Variants in CCDC171 observed in about 807,000 individuals in gnomAD.
CCDC171 encodes coiled-coil domain-containing protein 171.
In CCDC171, 177 loss-of-function variants were observed where a neutral mutation model predicts 168.2. The ratio of observed to expected loss-of-function variants is 1.05; its 90% CI spans 0.93 to 1.19. CCDC171 has a LOEUF of 1.19. Ranked by LOEUF, CCDC171 falls within the 50% of genes most tolerant of loss-of-function variation. The pLI, the probability that CCDC171 is intolerant of heterozygous loss-of-function variation, is 0.00. For synonymous variants in CCDC171, 687 were observed against 540.8 expected (o/e 1.27, Z -3.75); for missense variants, 1,991 against 1,539.0 (o/e 1.29, Z -4.91).
At chr9:15,656,767 G>A (rs2047969753) in intron 7 of CCDC171, among the ~76,000 whole-genome samples, 3 of 152,162 alleles carry the variant, frequency 2.0e-5, no homozygotes, top group Non-Finnish European at 4.4e-5. Flanking sequence ...GCATTACCAA[G>A]AGACATAAGG....
intron 4 of CCDC171, among the ~76,000 whole-genome samples, chr9:15,585,254 A>G (rs866305593): frequency 6.0e-4 from 91 of 152,350 alleles, no homozygotes; most frequent in African/African-American, 1.8e-3. Flanking sequence ...TTTCCCCATG[A>G]GAAAGAAAAA....
intron 25 of CCDC171, among the ~76,000 whole-genome samples, chr9:15,925,038 G>A (rs984915827): frequency 6.6e-6 from 1 of 151,270 alleles, no homozygotes; most frequent in African/African-American, 2.4e-5. Flanking sequence ...CTGCTTTTTG[G>A]TGGGCACAGT....
At chr9:15,718,298 C>T (rs1215768096) in intron 11 of CCDC171, among the ~76,000 whole-genome samples, 3 of 152,062 alleles carry the variant, frequency 2.0e-5, no homozygotes, top group Non-Finnish European at 2.9e-5. Flanking sequence ...TGTGCCAGTT[C>T]AGCCTCAGTA....
intron 7 of CCDC171, among the ~76,000 whole-genome samples, chr9:15,654,140 T>C (rs556710304): frequency 5.9e-5 from 9 of 152,272 alleles, no homozygotes; most frequent in African/African-American, 1.9e-4. Context: ...TATTATTTTA[T>C]CCTTTGGATT....
chr9:15,680,489 C>CAT (rs1189556023), intron 10 of CCDC171, among the ~76,000 whole-genome samples: 1 of 152,076 alleles, frequency 6.6e-6, no homozygotes, highest in Non-Finnish European at 1.5e-5. Context: ...CTGCCCATAT[C>CAT]GAAAGCTAAT....
intron 23 of CCDC171, among the ~76,000 whole-genome samples, chr9:15,852,862 A>G (rs2061191733): frequency 6.6e-6 from 1 of 151,608 alleles, no homozygotes; most frequent in East Asian, 1.9e-4. Flanking sequence ...ATCATGTTGA[A>G]TCATTCATAC....
intron 4 of CCDC171, chr9:15,588,283 C>A: frequency 5.1e-6 from 1 of 197,420 alleles, no homozygotes. Flanking sequence ...CAAGAAGGAC[C>A]CCCGGACTGA....
intron 21 of CCDC171, among the ~76,000 whole-genome samples, chr9:15,837,820 A>T (rs1050001743): frequency 6.6e-6 from 1 of 152,342 alleles, no homozygotes; most frequent in African/African-American, 2.4e-5. Context: ...TTATTGCACG[A>T]TGGGAAAGCC....
intron 25 of CCDC171, among the ~76,000 whole-genome samples, chr9:15,948,257 G>C (rs1318778795): frequency 6.7e-6 from 1 of 149,362 alleles, no homozygotes; most frequent in Admixed American, 6.7e-5. Context: ...CCAAGTCTTT[G>C]CTATTGTGAA....
Position 15,791,573 on chromosome 9 carries a change from T to C in CCDC171, c.3267+6879T>C, listed in dbSNP as rs2096120. ...CAATTTGACTACCTCTTTTCCTAAT[T>C]GAATACCCTTTATTTCTTTCTCTTG... On this transcript the variant is annotated intron_variant, in intron 21 of 25. Transcript: ENST00000380701. 9.5e-3 allele frequency among the ~76,000 whole-genome samples: 1,443 copies of C among 152,304 alleles called. 12 individuals are homozygous for C. The highest frequency in any genetic ancestry group is 0.015 in the Non-Finnish European group (1,024 of 68,032).
At chr9:16,058,503 G>T (rs959589264) in intron 1 of CCDC171, among the ~76,000 whole-genome samples, 1 of 152,226 alleles carries the variant, frequency 6.6e-6, no homozygotes, top group South Asian at 2.1e-4. Context: ...ACGGGGGCCT[G>T]TTCCTTTGCC....
At chr9:15,826,275 T>C (rs1287138073) in intron 21 of CCDC171, among the ~76,000 whole-genome samples, 1 of 152,138 alleles carries the variant, frequency 6.6e-6, no homozygotes, top group African/African-American at 2.4e-5. Context: ...CTCTGAATTC[T>C]CTTTCGTTCT....
At chr9:15,617,513 A>G (rs953745206) in intron 6 of CCDC171, among the ~76,000 whole-genome samples, 6 of 151,420 alleles carry the variant, frequency 4.0e-5, no homozygotes, top group Admixed American at 4.0e-4. Context: ...AGTAGCTGGG[A>G]CTACAGGTGC....
In CCDC171 at chr9:16,052,660, G is replaced by A. The variant is rs1008047784; in HGVS notation, n.90-7986G>A. Among the ~76,000 whole-genome samples the A allele has an allele frequency of 5.9e-5, 9 of 152,176 alleles. No individual in the cohort carries two copies. The East Asian group carries it at 1.4e-3, about 23-fold the overall frequency. On this transcript the variant is annotated intron_variant and non_coding_transcript_variant, in intron 1 of 1. Coordinates refer to the CCDC171 transcript ENST00000478913. Reference sequence around the variant, plus strand: ...TCATGGGCCTCCCCAGCCAGGGCCCGGGGCCTTTTGTAGAGTCCGCCCTCT... The same window carrying A: ...TCATGGGCCTCCCCAGCCAGGGCCCAGGGCCTTTTGTAGAGTCCGCCCTCT...
intron 23 of CCDC171, among the ~76,000 whole-genome samples, chr9:15,861,548 G>A (rs905955034): frequency 1.3e-5 from 2 of 151,540 alleles, no homozygotes; most frequent in Non-Finnish European, 2.9e-5. Flanking sequence ...TTTGTTTCCA[G>A]TTACCCTGGG....
At chr9:15,558,124 G>C in intron 1 of CCDC171, among the ~76,000 whole-genome samples, 1 of 152,118 alleles carries the variant, frequency 6.6e-6, no homozygotes, top group Admixed American at 6.5e-5. Context: ...TTGATGTGCT[G>C]CTGGATTTGG....
At chr9:15,766,927 A>G (rs2056755485) in intron 18 of CCDC171, among the ~76,000 whole-genome samples, 1 of 152,142 alleles carries the variant, frequency 6.6e-6, no homozygotes, top group South Asian at 2.1e-4. Context: ...CTCACAAAGT[A>G]CTAGGATTAC....
At chr9:15,672,834 G>A (rs1310758539) in intron 9 of CCDC171, among the ~76,000 whole-genome samples, 8 of 152,180 alleles carry the variant, frequency 5.3e-5, no homozygotes, top group East Asian at 1.9e-4. Context: ...TCTTGGCAAT[G>A]TGGGCTCTTT....
At chr9:15,793,929 C>T (rs1353565212) in intron 21 of CCDC171, among the ~76,000 whole-genome samples, 4 of 151,884 alleles carry the variant, frequency 2.6e-5, no homozygotes, top group Non-Finnish European at 1.5e-5. Context: ...AATATTTATT[C>T]TATAATGATA....
Sources: allele counts gnomAD v4.1 joint callset (sites outside exome capture counted in the v4.1 genomes callset), GRCh38; gene constraint gnomAD v4.1.1; transcripts MANE v1.5; gene names NCBI Gene and HGNC (gene_info 2026-07-23, HGNC 2026-07-21).